Variants in TNFSF13B observed in about 807,000 individuals in gnomAD.
TNFSF13B encodes the protein TNF superfamily member 13b.
In TNFSF13B, 8 loss-of-function variants were observed where a neutral mutation model predicts 29.1. The ratio of observed to expected loss-of-function variants is 0.27; its 90% CI spans 0.16 to 0.50. The LOEUF (loss-of-function observed/expected upper bound fraction) is 0.50, where lower values mean the gene tolerates loss of function less well. Among genes scored for constraint, TNFSF13B ranks in the 20% least tolerant of loss-of-function variants. The pLI is 0.98. For missense variants in TNFSF13B, 248 were observed against 334.9 expected (o/e 0.74, Z 2.03); for synonymous variants, 125 against 130.8 (o/e 0.96, Z 0.30).
intron 2 of TNFSF13B, among the ~76,000 whole-genome samples, chr13:108,284,068 C>T (rs530583336): frequency 2.6e-5 from 4 of 152,160 alleles, no homozygotes; most frequent in African/African-American, 4.8e-5. Context: ...CAGTGGCTCA[C>T]GTCTGTAATC....
chr13:108,270,150 C>A lies in TNFSF13B; in HGVS notation c.255C>A (p.Gly85=). ...DLASLRAELQ[G]HHAEKLPAGA... Reference sequence around the variant, plus strand: ...CCAGCCTCCGGGCAGAGCTGCAGGGCCACCACGCGGAGAAGCTGCCAGCAG... The same window carrying A: ...CCAGCCTCCGGGCAGAGCTGCAGGGACACCACGCGGAGAAGCTGCCAGCAG... The change falls in exon 1 of 6, where the codon GGC becomes GGA. Residue 85 remains glycine (G), a synonymous_variant. Transcript: ENST00000375887. 1 of 1,602,008 alleles carries A rather than the reference C, an allele frequency of 6.2e-7. No homozygotes were observed. The highest frequency in any genetic ancestry group is 8.5e-7 in the Non-Finnish European group (1 of 1,179,786).
chr13:108,291,000 T>G (rs1306463259), intron 3 of TNFSF13B, among the ~76,000 whole-genome samples: 2 of 151,960 alleles, frequency 1.3e-5, no homozygotes, highest in Non-Finnish European at 2.9e-5. Flanking sequence ...CGCCCATCTT[T>G]TCCAGACTGC....
intron 2 of TNFSF13B, among the ~76,000 whole-genome samples, chr13:108,270,964 CACACACGCACAG>C (rs1176176443): frequency 2.0e-5 from 3 of 152,070 alleles, no homozygotes; most frequent in Non-Finnish European, 2.9e-5. Flanking sequence ...CACACACACA[CACACACGCACAG>C]ACACACACAC....
At chr13:108,301,413 A>G (rs1241434806) in intron 3 of TNFSF13B, 1 of 152,242 alleles carries the variant, frequency 6.6e-6, no homozygotes, top group East Asian at 1.9e-4. Context: ...CCATCTGCAG[A>G]TGAATGGATG....
At chr13:108,283,062 A>T (rs183849846) in intron 2 of TNFSF13B, among the ~76,000 whole-genome samples, 1 of 152,312 alleles carries the variant, frequency 6.6e-6, no homozygotes, top group Non-Finnish European at 1.5e-5. Context: ...TAAAAATAAT[A>T]TTGCCATTTT....
intron 2 of TNFSF13B, among the ~76,000 whole-genome samples, chr13:108,278,695 TTCC>T (rs1471823371): frequency 8.3e-5 from 6 of 72,156 alleles, no homozygotes; most frequent in African/African-American, 1.5e-4. Context: ...CCTCCTCCTC[TTCC>T]TCCTCCTCCC....
chr13:108,287,657 T>C (rs1278306237), intron 3 of TNFSF13B, among the ~76,000 whole-genome samples: 1 of 152,180 alleles, frequency 6.6e-6, no homozygotes, highest in East Asian at 1.9e-4. Flanking sequence ...TTATATTCAA[T>C]TGTAAAAATC....
At chr13:108,272,696 T>G (rs1322727657) in intron 2 of TNFSF13B, among the ~76,000 whole-genome samples, 1 of 152,104 alleles carries the variant, frequency 6.6e-6, no homozygotes, top group East Asian at 1.9e-4. Context: ...TTTTTTTAAT[T>G]GATTATTCTA....
At chr13:108,296,499 A>G (rs1398256324) in intron 3 of TNFSF13B, among the ~76,000 whole-genome samples, 1 of 145,598 alleles carries the variant, frequency 6.9e-6, no homozygotes, top group African/African-American at 2.6e-5. Context: ...TTGAATCTGA[A>G]GTGAGTCTCT....
chr13:108,301,602 G>T (rs1881625333), intron 3 of TNFSF13B, among the ~76,000 whole-genome samples: 1 of 152,166 alleles, frequency 6.6e-6, no homozygotes, highest in African/African-American at 2.4e-5. Context: ...CAAATTCAAA[G>T]AAGTAGAGAG....
intron 2 of TNFSF13B, among the ~76,000 whole-genome samples, chr13:108,274,100 A>G (rs1216811427): frequency 6.6e-6 from 1 of 152,148 alleles, no homozygotes; most frequent in Admixed American, 6.6e-5. Flanking sequence ...ACACTACATA[A>G]TACATATAAT....
At position 108,290,843 on chromosome 13, in the gene TNFSF13B, G is replaced by A. The variant is rs1881285020; in HGVS notation, c.481+3984G>A. 2.0e-5 allele frequency among the ~76,000 whole-genome samples: 3 copies of A among 151,648 alleles called. No individual in the cohort carries two copies. In the East Asian group the frequency reaches 5.8e-4, roughly 29 times the overall value. On this transcript the variant is annotated intron_variant, in intron 3 of 5. Transcript: ENST00000375887. ...GACCTTTTACACTTAAACGTATTAA[G>A]GAAAGATCTCGTGTTCCTTCTGAAA... is the stretch of plus-strand genomic sequence containing the variant.
intron 2 of TNFSF13B, 55 bp from the exon 3 acceptor site, chr13:108,286,748 A>G: frequency 8.2e-7 from 1 of 1,222,940 alleles, no homozygotes; most frequent in Non-Finnish European, 1.2e-6. Flanking sequence ...TTGTGTTCTC[A>G]GTTTCTTTAT....
chr13:108,302,931 C>CA, intron 3 of TNFSF13B: 1 of 813,686 alleles, frequency 1.2e-6, no homozygotes, highest in Non-Finnish European at 1.5e-6. Flanking sequence ...CTCTTTGCTT[C>CA]AAACTCTCTT....
chr13:108,280,260 G>GT (rs1181850382), intron 2 of TNFSF13B, among the ~76,000 whole-genome samples: 1 of 152,126 alleles, frequency 6.6e-6, no homozygotes, highest in Non-Finnish European at 1.5e-5. Context: ...TGTTTATAAA[G>GT]TTTGTAGCTT....
intron 3 of TNFSF13B, chr13:108,302,739 A>G (rs1881661512): frequency 1.6e-5 from 13 of 806,684 alleles, no homozygotes; most frequent in Non-Finnish European, 1.9e-5. Flanking sequence ...TTCTTAGTAA[A>G]GGTTGTGTCT....
At chr13:108,270,529 G>T in intron 2 of TNFSF13B, 105 bp downstream of exon 2, 2 of 1,116,080 alleles carry the variant, frequency 1.8e-6, no homozygotes, top group South Asian at 2.8e-5. Flanking sequence ...ATTAAATAGA[G>T]ACTATGAAAT....
chr13:108,283,099 C>T (rs16972217), intron 2 of TNFSF13B, among the ~76,000 whole-genome samples: 32,800 of 152,168 alleles, frequency 0.22, 4,229 homozygotes, highest in East Asian at 0.44. Flanking sequence ...AGGCAAATCT[C>T]TAGCTGAGCA....
In TNFSF13B at chr13:108,307,058, T is replaced by G; in HGVS notation, c.*120T>G. 1 of 655,714 alleles carries G rather than the reference T, an allele frequency of 1.5e-6. No individual in the cohort carries two copies. The highest frequency in any genetic ancestry group is 3.1e-5 in the East Asian group (1 of 31,758). The allele number at this position is 655,714 out of a possible 1,614,324, so 40.6% of individuals were successfully genotyped here. The stretch of plus-strand genomic sequence containing the variant: ...AAAAAAAAAAAAAAAGTAGTTACCA[T>G]TGCCTTTTCTGTGAGCTATTTGTTT... On this transcript the variant is annotated 3_prime_UTR_variant, in exon 6 of 6. Coordinates refer to ENST00000375887, the MANE Select transcript of TNFSF13B (RefSeq NM_006573.5).
Sources: allele counts gnomAD v4.1 joint callset (sites outside exome capture counted in the v4.1 genomes callset), GRCh38; gene constraint gnomAD v4.1.1; transcripts MANE v1.5; gene names NCBI Gene and HGNC (gene_info 2026-07-23, HGNC 2026-07-21).